RC3H2: variants seen among roughly 807,000 people sequenced by gnomAD.
RC3H2 encodes roquin-2.
A neutral mutation model predicts 133.3 loss-of-function variants in RC3H2; 31 were observed. That is an observed-to-expected ratio of 0.23 (90% CI 0.17 to 0.31). The LOEUF is 0.31. RC3H2 is among the 10% of genes least tolerant of loss of function. The pLI, the probability that RC3H2 is intolerant of heterozygous loss-of-function variation, is 1.00. For synonymous variants in RC3H2, 517 were observed against 502.2 expected, an observed-to-expected ratio of 1.03 and a Z score of -0.40; for missense variants, 1,175 against 1,437.2, an observed-to-expected ratio of 0.82 and a Z score of 2.95.
intron 3 of RC3H2, among the ~76,000 whole-genome samples, chr9:122,892,519 C>A (rs2131492175): frequency 6.6e-6 from 1 of 152,266 alleles, no homozygotes; most frequent in Non-Finnish European, 1.5e-5. Flanking sequence ...TCACGCCATT[C>A]TCCTGCCTCA....
intron 8 of RC3H2, among the ~76,000 whole-genome samples, chr9:122,879,276 C>T (rs956019508): frequency 2.0e-5 from 3 of 151,740 alleles, no homozygotes; most frequent in Non-Finnish European, 4.4e-5. Context: ...TGCCTGTAAT[C>T]CCAGTTACTT....
chr9:122,858,109 A>G lies in RC3H2; in HGVS notation c.2284-16T>C. 1 of 1,612,346 alleles carries G rather than the reference A, an allele frequency of 6.2e-7. No individual in the cohort carries two copies. The highest frequency in any genetic ancestry group is 8.5e-7 in the Non-Finnish European group (1 of 1,178,920). On this transcript the variant is annotated splice_polypyrimidine_tract_variant and intron_variant, in intron 12 of 20. Coordinates refer to ENST00000357244, the MANE Select transcript of RC3H2 (RefSeq NM_001100588.3). ...CACAAGGTTCCTAATGGGGGATAAA[A>G]GAAACAATCTTAATCATCTAGGGAG...
chr9:122,892,014 T>C (rs112528147), intron 3 of RC3H2, among the ~76,000 whole-genome samples: 6 of 152,236 alleles, frequency 3.9e-5, no homozygotes, highest in African/African-American at 9.6e-5. Context: ...TACATGAAGC[T>C]GTCTTAATAG....
intron 20 of RC3H2, among the ~76,000 whole-genome samples, chr9:122,850,457 T>TAGATAGATAGATAGATAGATA (rs936312290): frequency 6.6e-6 from 1 of 151,862 alleles, no homozygotes. Context: ...GATAGATAGA[T>TAGATAGATAGATAGATAGATA]AATTTTGAGA....
chr9:122,879,964 T>C lies in RC3H2; in HGVS notation c.1093+29A>G, dbSNP rs749508216. The C allele has an allele frequency of 6.8e-6, 11 of 1,612,338 alleles. No individual in the cohort carries two copies. The South Asian group carries it at 1.2e-4, about 18-fold the overall frequency. On this transcript the variant is annotated intron_variant, in intron 7 of 20. Coordinates refer to ENST00000357244, the MANE Select transcript of RC3H2 (RefSeq NM_001100588.3). ...TATTCACCTCAAAAGTAGAAAAAAATATAAGCAACTGAGCATATTCCCACA... is the reference window on the plus strand; with the variant it reads ...TATTCACCTCAAAAGTAGAAAAAAACATAAGCAACTGAGCATATTCCCACA...
At chr9:122,878,433 G>A (rs1192640307) in intron 8 of RC3H2, among the ~76,000 whole-genome samples, 1 of 151,914 alleles carries the variant, frequency 6.6e-6, no homozygotes, top group African/African-American at 2.4e-5. Flanking sequence ...ACCACGCCCG[G>A]CTAATTTTTT....
In RC3H2 at chr9:122,896,075, TGGGC is replaced by T. The variant is rs1196956689; in HGVS notation, c.231+1200_231+1203del. Among the ~76,000 whole-genome samples the T allele has an allele frequency of 4.3e-3, 643 of 151,158 alleles. 3 individuals are homozygous for T. The highest frequency in any genetic ancestry group is 0.015 in the African/African-American group (609 of 41,136). On this transcript the variant is annotated intron_variant, in intron 2 of 20. Coordinates refer to ENST00000357244, the MANE Select transcript of RC3H2 (RefSeq NM_001100588.3). ...GTGGGCCATACTGGAAGAATTGTCT[TGGGC>T]CACACATAAGATACACTAACACTAA...
intron 9 of RC3H2, among the ~76,000 whole-genome samples, chr9:122,866,152 CT>C (rs1425997385): frequency 6.6e-6 from 1 of 152,026 alleles, no homozygotes; most frequent in African/African-American, 2.4e-5. Context: ...ATTTAAAAAA[CT>C]CATTCTTAAA....
chr9:122,858,592 C>T (rs948673156), intron 12 of RC3H2, 77 bp downstream of exon 12: 10 of 1,218,232 alleles, frequency 8.2e-6, no homozygotes, highest in Admixed American at 7.8e-5. Flanking sequence ...AGTGGAGGAG[C>T]CAGGATATAT....
chr9:122,890,784 T>A (rs1404165066), intron 3 of RC3H2, among the ~76,000 whole-genome samples: 1 of 152,116 alleles, frequency 6.6e-6, no homozygotes, highest in East Asian at 1.9e-4. Context: ...TTTTTAATTG[T>A]ATATAAGACA....
chr9:122,883,637 T>C (rs895508630), intron 4 of RC3H2, among the ~76,000 whole-genome samples: 1 of 152,190 alleles, frequency 6.6e-6, no homozygotes, highest in African/African-American at 2.4e-5. Context: ...ATATATTCTG[T>C]ATTTAACAGT....
intron 9 of RC3H2, among the ~76,000 whole-genome samples, chr9:122,873,334 G>A (rs1831184695): frequency 6.6e-6 from 1 of 151,910 alleles, no homozygotes; most frequent in Admixed American, 6.6e-5. Context: ...GAAATAAGAA[G>A]TAAGAACTGT....
intron 8 of RC3H2, among the ~76,000 whole-genome samples, chr9:122,879,137 T>C (rs1471685027): frequency 2.0e-5 from 3 of 151,184 alleles, no homozygotes; most frequent in Non-Finnish European, 4.4e-5. Context: ...GGCTCACGCC[T>C]GTAATCCCAG....
chr9:122,867,843 A>G, intron 9 of RC3H2, among the ~76,000 whole-genome samples: 3 of 84,924 alleles, frequency 3.5e-5, no homozygotes, highest in Non-Finnish European at 4.9e-5. Flanking sequence ...GGCCCATCTG[A>G]GAAGTGAGGA....
chr9:122,897,220 T>C, intron 2 of RC3H2, 59 bp downstream of exon 2: 3 of 1,528,642 alleles, frequency 2.0e-6, no homozygotes, highest in African/African-American at 1.4e-5. Context: ...GCCGTTAAAA[T>C]AATGGCAAAA....
At chr9:122,862,025 C>T (rs981128369) in intron 10 of RC3H2, among the ~76,000 whole-genome samples, 3 of 152,128 alleles carry the variant, frequency 2.0e-5, no homozygotes, top group African/African-American at 7.2e-5. Flanking sequence ...AGGCACTGTG[C>T]TTTACATAAA....
intron 1 of RC3H2, among the ~76,000 whole-genome samples, chr9:122,903,380 T>C (rs1158518188): frequency 6.6e-6 from 1 of 152,228 alleles, no homozygotes; most frequent in East Asian, 1.9e-4. Flanking sequence ...TTCTTAGCTA[T>C]TGCAAACAAT....
At chr9:122,853,618 G>C in intron 18 of RC3H2, 1 of 430,918 alleles carries the variant, frequency 2.3e-6, no homozygotes, top group South Asian at 2.4e-5. Context: ...TGGGCATGGT[G>C]GTGGGTGCCT....
At chr9:122,863,703 T>G (rs933429242) in intron 10 of RC3H2, among the ~76,000 whole-genome samples, 2 of 152,196 alleles carry the variant, frequency 1.3e-5, no homozygotes, top group Non-Finnish European at 2.9e-5. Context: ...CTCAAATATA[T>G]CTTTTCTAAA....
Sources: gnomAD v4.1 joint callset for allele counts (sites outside exome capture counted in the v4.1 genomes callset) on GRCh38, gnomAD v4.1.1 for gene constraint, MANE v1.5 for transcripts, NCBI Gene and HGNC (gene_info 2026-07-23, HGNC 2026-07-21) for gene names.